Variants in PYROXD2 observed in about 807,000 individuals in gnomAD.
PYROXD2 encodes pyridine nucleotide-disulfide oxidoreductase domain-containing protein 2.
A neutral mutation model predicts 71.1 loss-of-function variants in PYROXD2; 69 were observed. The observed-to-expected ratio is 0.97, with a 90% CI of 0.80 to 1.19. The LOEUF is 1.19. PYROXD2 is among the 50% of genes most tolerant of loss of function. The pLI is 0.00. For synonymous variants in PYROXD2, 287 were observed against 302.7 expected (o/e 0.95, Z 0.54); for missense variants, 745 against 748.9 (o/e 0.99, Z 0.06).
intron 2 of PYROXD2, among the ~76,000 whole-genome samples, chr10:98,409,042 A>G (rs1843702233): frequency 1.3e-5 from 2 of 152,192 alleles, no homozygotes; most frequent in Admixed American, 6.5e-5. Context: ...ATCATAACCT[A>G]CTGAGAAAGA....
In PYROXD2 at chr10:98,385,044, G is replaced by C; in HGVS notation, c.1578C>G (p.Ser526=). The C allele has an allele frequency of 1.2e-6, 2 of 1,613,876 alleles. No homozygotes were observed. Among genetic ancestry groups the C allele is most frequent in the Non-Finnish European group, 1.7e-6 (2 of 1,179,908 alleles). ...GGCGGGCGAAGTAGAGCTGGTCCAG[G>C]GACATGGCGCAGTGGAATATGTTCT... ...PGGNIFHCAM[S]LDQLYFARPV... Residue 526 remains serine, a synonymous_variant, in exon 15 of 16, where the codon TCC becomes TCG. Coordinates refer to ENST00000370575, the MANE Select transcript of PYROXD2 (RefSeq NM_032709.3).
chr10:98,407,489 C>T, intron 4 of PYROXD2, 93 bp downstream of exon 4: 2 of 1,505,828 alleles, frequency 1.3e-6, no homozygotes, highest in Non-Finnish European at 1.8e-6. Flanking sequence ...GGGCGGGCAT[C>T]ACCTCGGGCA....
intron 2 of PYROXD2, 147 bp from the exon 3 acceptor site, chr10:98,408,144 G>A: frequency 1.5e-6 from 1 of 676,616 alleles, no homozygotes; most frequent in Non-Finnish European, 2.4e-6. Flanking sequence ...TGCTGTTCCT[G>A]CCTCTGGGAA....
In PYROXD2 at chr10:98,415,006, T is replaced by A; in HGVS notation, c.127+3A>T. ...TCTGGCCCGGCCTGCTTTACCACTTTACCTGCTCCTATCACCACCGCATCA... is the reference window on the plus strand; with the variant it reads ...TCTGGCCCGGCCTGCTTTACCACTTAACCTGCTCCTATCACCACCGCATCA... On this transcript the variant is annotated splice_donor_region_variant and intron_variant, in intron 1 of 15. Transcript: ENST00000370575. 11 of 1,613,110 alleles carry A rather than the reference T, an allele frequency of 6.8e-6. No homozygotes were observed. The highest frequency in any genetic ancestry group is 9.3e-6 in the Non-Finnish European group (11 of 1,179,474).
At position 98,385,076 on chromosome 10, in the gene PYROXD2, G is replaced by A. The variant is rs1443200278; in HGVS notation, c.1555-9C>T. On this transcript the variant is annotated splice_polypyrimidine_tract_variant and intron_variant, in intron 14 of 15. Coordinates refer to ENST00000370575, the MANE Select transcript of PYROXD2 (RefSeq NM_032709.3). ...GCGCAGTGGAATATGTTCTGCAGAG[G>A]CAGGGCCACAGTCATCAGCACAGGA... 1.2e-6 allele frequency: 2 copies of A among 1,613,534 alleles called. No individual in the cohort carries two copies. The highest frequency in any genetic ancestry group is 4.5e-5 in the East Asian group (2 of 44,872).
At chr10:98,401,555 G>A (rs1012430409) in intron 4 of PYROXD2, among the ~76,000 whole-genome samples, 7 of 152,158 alleles carry the variant, frequency 4.6e-5, no homozygotes, top group Non-Finnish European at 1.0e-4. Context: ...AAACCTTTTT[G>A]ATTCTCTTAA....
Position 98,405,985 on chromosome 10 carries a change from C to T in PYROXD2, c.315+1597G>A, listed in dbSNP as rs142419816. 2.6e-5 allele frequency among the ~76,000 whole-genome samples: 4 copies of T among 152,290 alleles called. No individual in the cohort carries two copies. In the East Asian group the frequency reaches 7.7e-4, roughly 29 times the overall value. ...CAAGATGTGATGCTGGTAAAATAAACGCTCTCCATTATAGTTTTGGAAAGA... is the reference window on the plus strand; with the variant it reads ...CAAGATGTGATGCTGGTAAAATAAATGCTCTCCATTATAGTTTTGGAAAGA... On this transcript the variant is annotated intron_variant, in intron 4 of 15. Transcript: ENST00000370575.
At chr10:98,389,726 C>G (rs73331793) in intron 12 of PYROXD2, among the ~76,000 whole-genome samples, 1,865 of 152,260 alleles carry the variant, frequency 0.012, 33 homozygotes, top group African/African-American at 0.041. Context: ...TTAGAGAAGC[C>G]TTTCCTCCCC....
chr10:98,390,728 G>A lies in PYROXD2; in HGVS notation c.1162C>T (p.Leu388=). 1 of 1,606,126 alleles carries A rather than the reference G, an allele frequency of 6.2e-7. No individual in the cohort carries two copies. The highest frequency in any genetic ancestry group is 8.5e-7 in the Non-Finnish European group (1 of 1,176,020). Residue 388 remains leucine, a synonymous_variant, in exon 12 of 16, where the codon CTG becomes TTG. Transcript: ENST00000370575. ...CCCCTGGGAGCATTGGGGGCCGCCA[G>A]GAAGCTGGGCAGCCTGTCTACGGCC... ...NVAVDRLPSF[L]AAPNAPRGQP...
chr10:98,387,180 A>G (rs1270741320), intron 14 of PYROXD2, 21 bp downstream of exon 14: 1 of 1,571,264 alleles, frequency 6.4e-7, no homozygotes, highest in South Asian at 1.1e-5. Context: ...ATGGTGAGAG[A>G]CCCCCTAGGC....
intron 4 of PYROXD2, among the ~76,000 whole-genome samples, chr10:98,402,135 T>C (rs76494008): frequency 0.014 from 2,140 of 152,320 alleles, 55 homozygotes; most frequent in African/African-American, 0.049. Context: ...AGCTCCATTG[T>C]AAGCTTATGG....
At chr10:98,403,318 C>G (rs1310614677) in intron 4 of PYROXD2, among the ~76,000 whole-genome samples, 1 of 152,194 alleles carries the variant, frequency 6.6e-6, no homozygotes, top group Non-Finnish European at 1.5e-5. Context: ...AATCTGTGCG[C>G]GTCTCTCCAA....
intron 2 of PYROXD2, 183 bp downstream of exon 2, chr10:98,410,755 TG>T: frequency 1.2e-6 from 1 of 809,740 alleles, no homozygotes; most frequent in Non-Finnish European, 1.9e-6. Context: ...TGTCCACAGC[TG>T]GCTGCAGATG....
chr10:98,390,106 C>A (rs1842896686), intron 12 of PYROXD2, among the ~76,000 whole-genome samples: 1 of 152,088 alleles, frequency 6.6e-6, no homozygotes, highest in South Asian at 2.1e-4. Flanking sequence ...GGACAGCGGA[C>A]AGGATGGAAA....
intron 1 of PYROXD2, chr10:98,413,855 TA>T (rs1322537267): frequency 1.3e-5 from 2 of 152,224 alleles, no homozygotes; most frequent in African/African-American, 4.8e-5. Flanking sequence ...TCTTTGGAGC[TA>T]CCCTCATTTG....
At chr10:98,402,089 G>A (rs923795868) in intron 4 of PYROXD2, among the ~76,000 whole-genome samples, 6 of 152,116 alleles carry the variant, frequency 3.9e-5, no homozygotes, top group African/African-American at 1.4e-4. Flanking sequence ...ATGTTGCAGT[G>A]CAACTATGGC....
At chr10:98,401,666 TTTTA>T (rs1328189821) in intron 4 of PYROXD2, among the ~76,000 whole-genome samples, 3 of 152,212 alleles carry the variant, frequency 2.0e-5, no homozygotes, top group Non-Finnish European at 1.5e-5. Flanking sequence ...AATTTTTTAT[TTTTA>T]TTTTTTACTT....
chr10:98,388,296 CCAGTT>C, intron 13 of PYROXD2, 53 bp downstream of exon 13: 1 of 1,575,554 alleles, frequency 6.3e-7, no homozygotes, highest in Admixed American at 1.7e-5. Context: ...AGGAGCAGGC[CCAGTT>C]GGGTCGCATG....
rs532221584 is a variant in PYROXD2 at position 98,407,196 on chromosome 10, C to T, written c.315+386G>A. Among the ~76,000 whole-genome samples, 6 of 152,294 alleles carry T rather than the reference C, an allele frequency of 3.9e-5. No homozygotes were observed. The East Asian group carries it at 5.8e-4, about 15-fold the overall frequency. ...CAGAAAAGTCCCCAGGCCCCACTTCCTGCTCCAGCTGCCAAGAGAGGGAAG... is the reference window on the plus strand; with the variant it reads ...CAGAAAAGTCCCCAGGCCCCACTTCTTGCTCCAGCTGCCAAGAGAGGGAAG... On this transcript the variant is annotated intron_variant, in intron 4 of 15. Coordinates refer to ENST00000370575, the MANE Select transcript of PYROXD2 (RefSeq NM_032709.3).
Sources: gnomAD v4.1 joint callset for allele counts (sites outside exome capture counted in the v4.1 genomes callset) on GRCh38, gnomAD v4.1.1 for gene constraint, MANE v1.5 for transcripts, NCBI Gene and HGNC (gene_info 2026-07-23, HGNC 2026-07-21) for gene names.